Variants in RRP1B observed in about 807,000 individuals in gnomAD.
RRP1B encodes the protein ribosomal RNA processing 1B.
A neutral mutation model predicts 80.2 loss-of-function variants in RRP1B; 56 were observed. The observed-to-expected ratio is 0.70, with a 90% CI of 0.56 to 0.87. The LOEUF (loss-of-function observed/expected upper bound fraction) is 0.87, where lower values mean the gene tolerates loss of function less well. RRP1B is among the 40% of genes least tolerant of loss of function. The probability of loss-of-function intolerance (pLI) is 0.00; values close to 1 mark genes in which losing one functional copy is unlikely to be tolerated. For synonymous variants in RRP1B, 351 were observed against 357.6 expected (o/e 0.98, Z 0.21); for missense variants, 807 against 939.8 (o/e 0.86, Z 1.85).
Position 43,688,225 on chromosome 21 carries a change from G to C in RRP1B, c.1851G>C (p.Gly617=). Residue 617 remains glycine, a synonymous_variant, in exon 13 of 16, where the codon GGG becomes GGC. Transcript: ENST00000340648. ...ACGGGGTGCTGGAGTCCGAAGCTGG[G>C]CAACCCCAGGCTCTGGTAAGGTGGG... ...EHNGVLESEA[G]QPQALGSSGT... 1 of 1,556,086 alleles carries C rather than the reference G, an allele frequency of 6.4e-7. No individual in the cohort carries two copies. Among genetic ancestry groups the C allele is most frequent in the Non-Finnish European group, 8.7e-7 (1 of 1,148,682 alleles).
chr21:43,693,160 A>G lies in RRP1B; in HGVS notation c.2084-30A>G. ...GAAGGGACAGCTGTCGGACCCACTT[A>G]ATATGGGGCCTTGCTCTCATTTGGG... On this transcript the variant is annotated intron_variant, in intron 15 of 15. Coordinates refer to ENST00000340648, the MANE Select transcript of RRP1B (RefSeq NM_015056.3). The surrounding 1 kb of genome is among the most constrained non-coding windows in gnomAD (Gnocchi z 4.1). 4.3e-6 allele frequency: 7 copies of G among 1,611,668 alleles called. No individual in the cohort carries two copies. The highest frequency in any genetic ancestry group is 5.9e-6 in the Non-Finnish European group (7 of 1,178,820).
Position 43,678,904 on chromosome 21 carries a change from T to C in RRP1B, c.796+1990T>C, listed in dbSNP as rs368360397. The stretch of plus-strand genomic sequence containing the variant: ...ACAATTTGTATGGTTTCAGGTCTTA[T>C]ATTTAAGTCTTTAATCCATCTTGAG... On this transcript the variant is annotated intron_variant, in intron 8 of 15. Transcript: ENST00000340648. Among the ~76,000 whole-genome samples the C allele has an allele frequency of 1.3e-4, 20 of 152,320 alleles. No individual in the cohort carries two copies. The East Asian group carries it at 3.7e-3, about 28-fold the overall frequency.
intron 4 of RRP1B, 72 bp from the exon 5 acceptor site, chr21:43,674,564 T>G: frequency 1.7e-6 from 2 of 1,160,590 alleles, no homozygotes; most frequent in Non-Finnish European, 2.4e-6. Flanking sequence ...TCTGCTGAGC[T>G]GATTAATATT....
At chr21:43,676,620 G>A (rs1568957345) in intron 7 of RRP1B, 113 bp from the exon 8 acceptor site, 6 of 1,000,162 alleles carry the variant, frequency 6.0e-6, no homozygotes, top group Admixed American at 5.3e-5. Context: ...CTGGCCCGTG[G>A]GGGCCACTCC....
At chr21:43,665,745 T>C (rs570225196) in intron 1 of RRP1B, among the ~76,000 whole-genome samples, 55 of 152,104 alleles carry the variant, frequency 3.6e-4, no homozygotes, top group African/African-American at 1.3e-3. Context: ...CCTCCTCCCT[T>C]GCTATGTGAC....
intron 14 of RRP1B, 70 bp downstream of exon 14, chr21:43,690,510 G>A (rs2083082259): frequency 3.2e-6 from 5 of 1,541,832 alleles, no homozygotes; most frequent in Non-Finnish European, 4.4e-6. Context: ...AGCTGACAGT[G>A]CTTCCCATGC....
At chr21:43,681,159 C>G (rs1403001801) in intron 8 of RRP1B, among the ~76,000 whole-genome samples, 1 of 151,904 alleles carries the variant, frequency 6.6e-6, no homozygotes, top group Non-Finnish European at 1.5e-5. Context: ...GAGAGAATCA[C>G]TTGAACCCAG....
At chr21:43,675,767 G>GC (rs1161596708) in intron 6 of RRP1B, among the ~76,000 whole-genome samples, 1 of 152,196 alleles carries the variant, frequency 6.6e-6, no homozygotes, top group Non-Finnish European at 1.5e-5. Flanking sequence ...CCTGAGAGCT[G>GC]CATGGGGCCC....
intron 8 of RRP1B, among the ~76,000 whole-genome samples, chr21:43,682,239 T>C: frequency 6.6e-6 from 1 of 152,206 alleles, no homozygotes. Flanking sequence ...TTCTGTCGCC[T>C]AACCTGGACA....
intron 1 of RRP1B, among the ~76,000 whole-genome samples, chr21:43,661,665 AG>A (rs1467560359): frequency 2.0e-5 from 3 of 152,238 alleles, no homozygotes; most frequent in Non-Finnish European, 2.9e-5. Context: ...AGACCAGCCC[AG>A]GGTCATCTTC....
chr21:43,677,099 C>T (rs985099743), intron 8 of RRP1B, among the ~76,000 whole-genome samples, 185 bp downstream of exon 8: 14 of 152,184 alleles, frequency 9.2e-5, no homozygotes, highest in Non-Finnish European at 5.9e-5. Flanking sequence ...TAGCGGGGCT[C>T]TGGGGAGACC....
chr21:43,665,248 C>A (rs1281571052), intron 1 of RRP1B, among the ~76,000 whole-genome samples: 1 of 152,164 alleles, frequency 6.6e-6, no homozygotes, highest in East Asian at 1.9e-4. Flanking sequence ...TGAGAAAGAC[C>A]AGAATACAGA....
chr21:43,677,919 G>A (rs2083028906), intron 8 of RRP1B, among the ~76,000 whole-genome samples: 1 of 152,194 alleles, frequency 6.6e-6, no homozygotes, highest in Non-Finnish European at 1.5e-5. Flanking sequence ...TGGGCATTCA[G>A]GCCGGTTCCA....
At position 43,664,040 on chromosome 21, in the gene RRP1B, TTC is replaced by T. The variant is rs1487648998; in HGVS notation, c.130+4252_130+4253del. On this transcript the variant is annotated intron_variant, in intron 1 of 15. Transcript: ENST00000340648. ...TTGAAAGTAATTCAGTAATGAGCATTTCTCTCTTTTACTTTGAATACTTCAAA... is the reference window on the plus strand; with the variant it reads ...TTGAAAGTAATTCAGTAATGAGCATTTCTCTTTTACTTTGAATACTTCAAA... 4.6e-5 allele frequency among the ~76,000 whole-genome samples: 7 copies of T among 152,356 alleles called. No individual in the cohort carries two copies. In the East Asian group the frequency reaches 1.3e-3, roughly 29 times the overall value.
At chr21:43,675,742 T>G (rs965398291) in intron 6 of RRP1B, among the ~76,000 whole-genome samples, 7 of 152,222 alleles carry the variant, frequency 4.6e-5, no homozygotes, top group Non-Finnish European at 8.8e-5. Flanking sequence ...TGTATCAGGT[T>G]TGTCCAGCCC....
At chr21:43,670,238 A>G (rs920771930) in intron 2 of RRP1B, among the ~76,000 whole-genome samples, 6 of 152,252 alleles carry the variant, frequency 3.9e-5, no homozygotes, top group African/African-American at 1.2e-4. Flanking sequence ...TAGGTTTTAC[A>G]TTACTTAAAG....
chr21:43,673,740 T>C lies in RRP1B; in HGVS notation c.272-130T>C, dbSNP rs2083009564. ...TATATTTAATTATCAACAGATTTTC[T>C]AGCTGCCCAAGAATTACTGAGAAAA... On this transcript the variant is annotated intron_variant, in intron 3 of 15. Coordinates refer to ENST00000340648, the MANE Select transcript of RRP1B (RefSeq NM_015056.3). 4 of 581,124 alleles carry C rather than the reference T, an allele frequency of 6.9e-6. No individual in the cohort carries two copies. The East Asian group carries it at 7.7e-5, about 11-fold the overall frequency. The allele number at this position is 581,124 out of a possible 1,614,324, so 36.0% of individuals were successfully genotyped here.
At chr21:43,667,053 G>T (rs1404948087) in intron 1 of RRP1B, among the ~76,000 whole-genome samples, 1 of 144,304 alleles carries the variant, frequency 6.9e-6, no homozygotes, top group Non-Finnish European at 1.5e-5. Flanking sequence ...TTTTTTTTTT[G>T]ACACTTACTT....
chr21:43,673,949 C>G lies in RRP1B; in HGVS notation c.351C>G (p.Tyr117Ter), dbSNP rs778250562. ...TAGACAGGCTACGCCTGGACAAATACTATATGGTAAGATCTGCCGCAGTTA... is the reference window on the plus strand; with the variant it reads ...TAGACAGGCTACGCCTGGACAAATAGTATATGGTAAGATCTGCCGCAGTTA... The part of the protein sequence containing the change: ...KGIDRLRLDK[Y>*]YMLIRLVLRQ... The change falls in exon 4 of 16, where the codon TAC (tyrosine) becomes TAG (stop). Residue 117 changes from tyrosine to a stop codon, truncating the protein, a stop_gained. Coordinates refer to ENST00000340648, the MANE Select transcript of RRP1B (RefSeq NM_015056.3). LOFTEE classifies it high-confidence loss of function. 9 of 1,608,574 alleles carry G rather than the reference C, an allele frequency of 5.6e-6. No individual in the cohort carries two copies.
Sources: allele counts gnomAD v4.1 joint callset (sites outside exome capture counted in the v4.1 genomes callset), GRCh38; gene constraint gnomAD v4.1.1; non-coding constraint Gnocchi (gnomAD v3.1); transcripts MANE v1.5; gene names NCBI Gene and HGNC (gene_info 2026-07-23, HGNC 2026-07-21).